The following SLC20A2 variants were observed in gnomAD, a reference collection of about 807,000 sequenced individuals.
SLC20A2 encodes the protein solute carrier family 20 member 2.
In SLC20A2, 30 loss-of-function variants were observed where a neutral mutation model predicts 61.0. The ratio of observed to expected loss-of-function variants is 0.49; its 90% confidence interval spans 0.37 to 0.67. The LOEUF is 0.67. Among genes scored for constraint, SLC20A2 ranks in the 30% least tolerant of loss-of-function variants. The pLI, the probability that SLC20A2 is intolerant of heterozygous loss-of-function variation, is 0.00. For synonymous variants in SLC20A2, 351 were observed against 353.3 expected (o/e 0.99, Z 0.07); for missense variants, 626 against 866.4 (o/e 0.72, Z 3.48).
intron 8 of SLC20A2, among the ~76,000 whole-genome samples, chr8:42,434,465 C>T (rs1172899985): frequency 6.6e-6 from 1 of 152,126 alleles, no homozygotes; most frequent in Non-Finnish European, 1.5e-5. Context: ...GGTCCCAGCT[C>T]ACTGCAAGCT....
chr8:42,438,615 G>A (rs1381254874), intron 7 of SLC20A2, among the ~76,000 whole-genome samples: 2 of 152,344 alleles, frequency 1.3e-5, no homozygotes, highest in East Asian at 3.9e-4. Flanking sequence ...CCTTGCAGAG[G>A]TGGCAGTCAC....
intron 4 of SLC20A2, chr8:42,460,236 T>G: frequency 2.7e-6 from 1 of 374,452 alleles, no homozygotes; most frequent in Non-Finnish European, 5.1e-6. Context: ...GCAGACACAT[T>G]AAAGCCCTGG....
At chr8:42,440,408 G>A (rs1804684170) in intron 6 of SLC20A2, among the ~76,000 whole-genome samples, 1 of 152,066 alleles carries the variant, frequency 6.6e-6, no homozygotes, top group Non-Finnish European at 1.5e-5. Context: ...TTTGAGACTG[G>A]CTTTTTCTAC....
At chr8:42,480,216 C>A (rs1473765800) in intron 1 of SLC20A2, among the ~76,000 whole-genome samples, 1 of 152,144 alleles carries the variant, frequency 6.6e-6, no homozygotes, top group African/African-American at 2.4e-5. Flanking sequence ...GCCATATGAC[C>A]TCCGCTATGT....
At chr8:42,481,763 T>C (rs888151887) in intron 1 of SLC20A2, among the ~76,000 whole-genome samples, 4 of 152,210 alleles carry the variant, frequency 2.6e-5, no homozygotes, top group African/African-American at 9.6e-5. Flanking sequence ...CGTGGACTTA[T>C]GGGACATGAA....
At chr8:42,524,138 A>C (rs541193004) in intron 1 of SLC20A2, among the ~76,000 whole-genome samples, 250 of 152,314 alleles carry the variant, frequency 1.6e-3, no homozygotes, top group Non-Finnish European at 2.6e-3. Flanking sequence ...ATACCAAGGA[A>C]CTGTATTTTC....
At chr8:42,491,172 G>T (rs1163816510) in intron 1 of SLC20A2, among the ~76,000 whole-genome samples, 1 of 152,184 alleles carries the variant, frequency 6.6e-6, no homozygotes, top group Non-Finnish European at 1.5e-5. Context: ...GGCCGAGGCA[G>T]GCAGATCACC....
intron 1 of SLC20A2, among the ~76,000 whole-genome samples, chr8:42,531,341 C>T (rs1441622573): frequency 6.6e-6 from 1 of 152,124 alleles, no homozygotes; most frequent in Non-Finnish European, 1.5e-5. Context: ...AACAACCACC[C>T]TCACAATTAA....
intron 1 of SLC20A2, among the ~76,000 whole-genome samples, chr8:42,496,479 G>T (rs1438882893): frequency 6.6e-6 from 1 of 152,134 alleles, no homozygotes; most frequent in Non-Finnish European, 1.5e-5. Context: ...GGGACTCCTA[G>T]GAGTAACTGT....
At chr8:42,484,214 C>T (rs760577004) in intron 1 of SLC20A2, among the ~76,000 whole-genome samples, 24 of 152,198 alleles carry the variant, frequency 1.6e-4, no homozygotes, top group South Asian at 4.1e-4. Flanking sequence ...AGAATCTGTT[C>T]AATTCTCTGA....
chr8:42,433,332 CT>C (rs397891898), intron 8 of SLC20A2, among the ~76,000 whole-genome samples: 2 of 151,384 alleles, frequency 1.3e-5, no homozygotes, highest in East Asian at 3.9e-4. Flanking sequence ...GAGTATTTAT[CT>C]TTTTTTTTGA....
chr8:42,519,021 T>C (rs754226928), intron 1 of SLC20A2, among the ~76,000 whole-genome samples: 2 of 152,210 alleles, frequency 1.3e-5, no homozygotes, highest in Non-Finnish European at 2.9e-5. Context: ...CACAGTAGTC[T>C]AATGCACAGA....
At chr8:42,505,099 C>T (rs1269053656), upstream of SLC20A2, among the ~76,000 whole-genome samples, 3 of 42,740 alleles carry the variant, frequency 7.0e-5, no homozygotes, top group African/African-American at 1.3e-4. Context: ...GGACGCAATA[C>T]CCCCCCAACC....
At position 42,447,505 on chromosome 8, in the gene SLC20A2, G is replaced by A. The variant is rs193160079; in HGVS notation, c.614-2743C>T. Among the ~76,000 whole-genome samples, 804 of 151,720 alleles carry A rather than the reference G, an allele frequency of 5.3e-3. 6 individuals are homozygous for A. The highest frequency in any genetic ancestry group is 0.018 in the African/African-American group (759 of 41,164). On this transcript the variant is annotated intron_variant, in intron 5 of 10. Transcript: ENST00000520262. ...ATCCTGGCTAACACGGTGAAACCCC[G>A]TCTCTACTAAAAATACAAAAAAATT...
At chr8:42,505,537 T>G (rs1810627571), upstream of SLC20A2, among the ~76,000 whole-genome samples, 3 of 152,196 alleles carry the variant, frequency 2.0e-5, no homozygotes, top group African/African-American at 7.2e-5. Context: ...AAAGCATGGA[T>G]AGGTCATGGA....
chr8:42,426,929 T>G (rs1313421586), intron 10 of SLC20A2, among the ~76,000 whole-genome samples: 2 of 152,174 alleles, frequency 1.3e-5, no homozygotes, highest in Non-Finnish European at 2.9e-5. Flanking sequence ...CACACCACAG[T>G]GAATGGAAGT....
At chr8:42,432,836 T>C (rs1803966167) in intron 8 of SLC20A2, among the ~76,000 whole-genome samples, 1 of 152,236 alleles carries the variant, frequency 6.6e-6, no homozygotes, top group East Asian at 1.9e-4. Flanking sequence ...TACATTGTTT[T>C]TAAGACGCAT....
intron 1 of SLC20A2, among the ~76,000 whole-genome samples, chr8:42,476,888 C>A (rs1157208302): frequency 6.6e-6 from 1 of 152,198 alleles, no homozygotes; most frequent in South Asian, 2.1e-4. Flanking sequence ...CATTCCCGTC[C>A]GGCCAGCTCC....
chr8:42,458,947 C>A (rs1224252694), intron 5 of SLC20A2, among the ~76,000 whole-genome samples: 1 of 140,440 alleles, frequency 7.1e-6, no homozygotes, highest in East Asian at 2.2e-4. Context: ...TTAACCCCCC[C>A]CCCCACAAAA....
Sources: allele counts gnomAD v4.1 joint callset (sites outside exome capture counted in the v4.1 genomes callset), GRCh38; gene constraint gnomAD v4.1.1; transcripts MANE v1.5; gene names NCBI Gene and HGNC (gene_info 2026-07-23, HGNC 2026-07-21).